Variants in NHS observed in about 807,000 individuals in gnomAD.
The protein encoded by NHS is NHS actin remodeling regulator.
NHS carries 5 observed loss-of-function variants against 72.5 expected under a neutral mutation model. That is an observed-to-expected ratio of 0.07 (90% CI 0.04 to 0.14). The LOEUF (loss-of-function observed/expected upper bound fraction) is 0.14. Among genes scored for constraint, NHS ranks in the 10% least tolerant of loss-of-function variants. NHS has a pLI of 1.00. For synonymous variants in NHS, 464 were observed against 547.7 expected (o/e 0.85, Z 2.13); for missense variants, 1,072 against 1,355.7 (o/e 0.79, Z 3.29).
Position 17,375,660 on chromosome X carries a change from C to T in NHS, c.-98C>T. 4 of 960,724 alleles carry T rather than the reference C, an allele frequency of 4.2e-6. No homozygotes were observed. Among genetic ancestry groups the T allele is most frequent in the Non-Finnish European group, 4.3e-6 (3 of 702,561 alleles). 79.2% of individuals were successfully genotyped at this position (960,724 alleles called of 1,213,427 possible). Reference sequence around the variant, plus strand: ...CCGGACTGCCAGATCGCGCTTTTGCCGGACTCCTGCCCCCTCCCTGCTCAG... The same window carrying T: ...CCGGACTGCCAGATCGCGCTTTTGCTGGACTCCTGCCCCCTCCCTGCTCAG... On this transcript the variant is annotated 5_prime_UTR_variant, in exon 1 of 9. Transcript: ENST00000676302.
chrX:17,573,616 G>C (rs2065494068), intron 1 of NHS, among the ~76,000 whole-genome samples: 1 of 110,239 alleles, frequency 9.1e-6, no homozygotes, highest in Non-Finnish European at 1.9e-5. Context: ...CCTTGCAATG[G>C]GTTAGAACAT....
intron 1 of NHS, among the ~76,000 whole-genome samples, chrX:17,642,578 C>A (rs899649517): frequency 9.0e-6 from 1 of 111,590 alleles, no homozygotes; most frequent in Admixed American, 9.5e-5. Context: ...AATATTAGTT[C>A]GCTTCTGGCA....
chrX:17,706,235 A>G (rs894132462), intron 3 of NHS, among the ~76,000 whole-genome samples: 1 of 111,178 alleles, frequency 9.0e-6, no homozygotes, highest in Admixed American at 9.6e-5. Context: ...GGATTGAGGA[A>G]ATTTGACAAC....
intron 1 of NHS, among the ~76,000 whole-genome samples, chrX:17,674,256 CT>C (rs1379521972): frequency 9.0e-6 from 1 of 111,649 alleles, no homozygotes; most frequent in Non-Finnish European, 1.9e-5. Flanking sequence ...CCTGTTATAA[CT>C]TTGCTCTCTC....
At chrX:17,518,836 T>A (rs1313685696) in intron 1 of NHS, among the ~76,000 whole-genome samples, 2 of 111,894 alleles carry the variant, frequency 1.8e-5, no homozygotes, top group African/African-American at 3.2e-5. Context: ...TGGGCTTGGA[T>A]GATTCTAACG....
At chrX:17,513,075 T>TA (rs1030074027) in intron 1 of NHS, among the ~76,000 whole-genome samples, 30 of 112,151 alleles carry the variant, frequency 2.7e-4, no homozygotes, top group African/African-American at 9.1e-4. Flanking sequence ...GCTGCCTATT[T>TA]ACAGTTTCTT....
intron 3 of NHS, among the ~76,000 whole-genome samples, chrX:17,693,657 A>G (rs1249755736): frequency 8.9e-6 from 1 of 112,577 alleles, no homozygotes; most frequent in African/African-American, 3.2e-5. Context: ...ATAATGGACA[A>G]AATATAAAAA....
At chrX:17,409,330 A>G (rs978136302) in intron 1 of NHS, among the ~76,000 whole-genome samples, 1 of 110,978 alleles carries the variant, frequency 9.0e-6, no homozygotes, top group African/African-American at 3.3e-5. Flanking sequence ...TCTATGGTCA[A>G]TTGAACATAG....
chrX:17,672,238 A>T (rs2066051428), intron 1 of NHS, among the ~76,000 whole-genome samples: 1 of 111,940 alleles, frequency 8.9e-6, no homozygotes, highest in South Asian at 3.8e-4. Context: ...ATTGGTGGGT[A>T]GCTCTTCTCC....
chrX:17,683,236 T>C (rs2066140140), intron 1 of NHS, among the ~76,000 whole-genome samples: 1 of 112,313 alleles, frequency 8.9e-6, no homozygotes, highest in South Asian at 3.7e-4. Flanking sequence ...TCTGATATAA[T>C]AGAACACATC....
At chrX:17,677,963 G>A (rs1013496279) in intron 1 of NHS, among the ~76,000 whole-genome samples, 1 of 110,422 alleles carries the variant, frequency 9.1e-6, no homozygotes. Context: ...ACCACACCAA[G>A]CTAATTTTTG....
At chrX:17,631,862 C>T (rs1320611540) in intron 1 of NHS, among the ~76,000 whole-genome samples, 2 of 112,072 alleles carry the variant, frequency 1.8e-5, no homozygotes, top group Admixed American at 1.9e-4. Context: ...GGTACCGAGG[C>T]TTCTTCCGGC....
chrX:17,491,277 C>T lies in NHS; in HGVS notation c.565+114955C>T, dbSNP rs142500003. On this transcript the variant is annotated intron_variant, in intron 1 of 8. Transcript: ENST00000676302. ...GGCTGTGGGTTTGTCATAAATAGCT[C>T]TTATTATTTTGAGATACGTTCCGTC... is the stretch of plus-strand genomic sequence containing the variant. Among the ~76,000 whole-genome samples the T allele has an allele frequency of 7.7e-3, 854 of 111,401 alleles. 10 individuals are homozygous for T. The highest frequency in any genetic ancestry group is 0.027 in the African/African-American group (820 of 30,656).
At chrX:17,472,928 A>G (rs2064898484) in intron 1 of NHS, among the ~76,000 whole-genome samples, 2 of 112,704 alleles carry the variant, frequency 1.8e-5, no homozygotes, top group South Asian at 7.3e-4. Flanking sequence ...GTTGTATTCT[A>G]CTTTTTCAAA....
chrX:17,581,371 T>C (rs922004030), intron 1 of NHS, among the ~76,000 whole-genome samples: 2 of 110,148 alleles, frequency 1.8e-5, no homozygotes, highest in Non-Finnish European at 3.8e-5. Flanking sequence ...TGGTAGAGGG[T>C]CCCCCAGAAA....
At chrX:17,424,929 A>T (rs2064643711) in intron 1 of NHS, among the ~76,000 whole-genome samples, 2 of 111,378 alleles carry the variant, frequency 1.8e-5, no homozygotes, top group South Asian at 7.7e-4. Context: ...TGACTTTATC[A>T]GATGTTGGGG....
chrX:17,661,984 ACT>A (rs2065984802), intron 1 of NHS, among the ~76,000 whole-genome samples: 2 of 110,763 alleles, frequency 1.8e-5, no homozygotes, highest in African/African-American at 6.6e-5. Flanking sequence ...CTTTGTTGTG[ACT>A]CTCCTAGCCC....
At chrX:17,602,458 G>A (rs919145967) in intron 1 of NHS, among the ~76,000 whole-genome samples, 1 of 111,652 alleles carries the variant, frequency 9.0e-6, no homozygotes, top group African/African-American at 3.3e-5. Flanking sequence ...AGGATGAAAA[G>A]GGGAGATTGC....
intron 1 of NHS, among the ~76,000 whole-genome samples, chrX:17,430,410 C>CTCCTTCCT (rs1169995304): frequency 8.5e-5 from 5 of 58,991 alleles, no homozygotes; most frequent in African/African-American, 3.4e-4. Context: ...TCCTTTCTTT[C>CTCCTTCCT]TCCTTCCTTC....
Sources: gnomAD v4.1 joint callset for allele counts (sites outside exome capture counted in the v4.1 genomes callset) on GRCh38, gnomAD v4.1.1 for gene constraint, MANE v1.5 for transcripts, NCBI Gene and HGNC (gene_info 2026-07-23, HGNC 2026-07-21) for gene names.